KSR1: variants seen among roughly 807,000 people sequenced by gnomAD.
The protein encoded by KSR1 is kinase suppressor of ras 1, also known as kinase suppressor of ras.
KSR1 carries 35 observed loss-of-function variants against 92.9 expected under a neutral mutation model. The observed-to-expected ratio is 0.38, with a 90% confidence interval of 0.29 to 0.50. KSR1 has a LOEUF of 0.50. KSR1 is among the 20% of genes least tolerant of loss of function. The pLI is 0.94. For synonymous variants in KSR1, 467 were observed against 472.6 expected, an observed-to-expected ratio of 0.99 and a Z score of 0.15; for missense variants, 972 against 1,158.5, an observed-to-expected ratio of 0.84 and a Z score of 2.34.
At chr17:27,570,854 A>G (rs1050268128) in intron 2 of KSR1, among the ~76,000 whole-genome samples, 1 of 152,220 alleles carries the variant, frequency 6.6e-6, no homozygotes, top group Non-Finnish European at 1.5e-5. Context: ...CCGCACCTCC[A>G]GAAATTCTGA....
intron 1 of KSR1, among the ~76,000 whole-genome samples, chr17:27,507,297 G>T (rs1053164983): frequency 6.6e-6 from 1 of 152,036 alleles, no homozygotes; most frequent in Non-Finnish European, 1.5e-5. Flanking sequence ...GCCAGGCCTG[G>T]TGGCAGGGGC....
At position 27,524,572 on chromosome 17, in the gene KSR1, G is replaced by A. The variant is rs576064584; in HGVS notation, c.232-25996G>A. On this transcript the variant is annotated intron_variant, in intron 1 of 20. Coordinates refer to ENST00000644974, the MANE Select transcript of KSR1 (RefSeq NM_001394583.1). ...TAGGCAAATCCAGCAAGTACAGGCC[G>A]GTGGCCTCCAGTATCTCTGCAAAGG... is the stretch of plus-strand genomic sequence containing the variant. Among the ~76,000 whole-genome samples the A allele has an allele frequency of 1.7e-4, 26 of 152,316 alleles. No individual in the cohort carries two copies. The East Asian group carries it at 1.7e-3, about 10-fold the overall frequency.
chr17:27,456,995 C>T (rs2019204184), intron 1 of KSR1, 121 bp downstream of exon 1: 1 of 679,310 alleles, frequency 1.5e-6, no homozygotes, highest in Admixed American at 2.2e-5. Context: ...GAGGCTTCCC[C>T]TCCCTCCTGC....
chr17:27,552,493 A>G (rs2071429814), intron 2 of KSR1, among the ~76,000 whole-genome samples: 1 of 152,224 alleles, frequency 6.6e-6, no homozygotes, highest in African/African-American at 2.4e-5. Context: ...CTTTCAGTTA[A>G]GTCCTGCAAG....
At chr17:27,562,799 G>A (rs904707121) in intron 2 of KSR1, among the ~76,000 whole-genome samples, 5 of 152,226 alleles carry the variant, frequency 3.3e-5, no homozygotes, top group Admixed American at 6.5e-5. Flanking sequence ...ACCTTTGGGG[G>A]AGGCCACAGG....
rs115609802 is a variant in KSR1, at chr17:27,583,368, C to G, written c.980+263C>G. 7.2e-3 allele frequency among the ~76,000 whole-genome samples: 1,102 copies of G among 152,366 alleles called. 16 individuals carry two copies. The highest frequency in any genetic ancestry group is 0.026 in the African/African-American group (1,069 of 41,584). ...GGTAGGCCAGGTTACACAGAAATAA[C>G]AGATATGCCCAAATCACCAGGTCTT... On this transcript the variant is annotated intron_variant, in intron 4 of 20. Coordinates refer to ENST00000644974, the MANE Select transcript of KSR1 (RefSeq NM_001394583.1).
chr17:27,573,731 C>A (rs1273227557), intron 2 of KSR1, among the ~76,000 whole-genome samples: 1 of 152,208 alleles, frequency 6.6e-6, no homozygotes, highest in African/African-American at 2.4e-5. Context: ...GGTTTGGAAT[C>A]GTGCGCACGT....
chr17:27,466,330 A>T (rs1161561896), intron 1 of KSR1, among the ~76,000 whole-genome samples: 2 of 152,210 alleles, frequency 1.3e-5, no homozygotes, highest in Non-Finnish European at 2.9e-5. Context: ...CAGCCATGAG[A>T]AATTGCCTTT....
At position 27,511,281 on chromosome 17, in the gene KSR1, T is replaced by C. The variant is rs549315783; in HGVS notation, c.232-39287T>C. Among the ~76,000 whole-genome samples the C allele has an allele frequency of 3.3e-5, 5 of 152,292 alleles. No individual in the cohort carries two copies. In the East Asian group the frequency reaches 9.7e-4, roughly 29 times the overall value. On this transcript the variant is annotated intron_variant, in intron 1 of 20. Coordinates refer to ENST00000644974, the MANE Select transcript of KSR1 (RefSeq NM_001394583.1). Reference sequence around the variant, plus strand: ...CAGCTGACTGGACTGTCATGACATCTCAGAGCCAGAAGCCTCTTACCTTTC... The same window carrying C: ...CAGCTGACTGGACTGTCATGACATCCCAGAGCCAGAAGCCTCTTACCTTTC...
chr17:27,487,978 A>G (rs948588446), intron 1 of KSR1, among the ~76,000 whole-genome samples: 1 of 152,180 alleles, frequency 6.6e-6, no homozygotes, highest in Admixed American at 6.5e-5. Context: ...AACACCTCCA[A>G]CATCGGGGAC....
Position 27,601,871 on chromosome 17 carries a change from C to A in KSR1, c.1510+470C>A, listed in dbSNP as rs1167739620. 2.5e-6 allele frequency: 4 copies of A among 1,593,470 alleles called. No homozygotes were observed. In the African/African-American group the frequency reaches 5.4e-5, roughly 21 times the overall value. ...GCGGGCTTCTCTTAGTGGGCTTCACCCTTCTGTGCCTTACCACACAGTGCC... is the reference window on the plus strand; with the variant it reads ...GCGGGCTTCTCTTAGTGGGCTTCACACTTCTGTGCCTTACCACACAGTGCC... On this transcript the variant is annotated intron_variant, in intron 11 of 20. Transcript: ENST00000644974.
In KSR1 at chr17:27,517,650, C is replaced by T. The variant is rs553990538; in HGVS notation, c.232-32918C>T. Reference sequence around the variant, plus strand: ...ATAAACTATGAGTGTTATTGAGTACCGCTCCTGTGTAGCATTTCATCAAAT... The same window carrying T: ...ATAAACTATGAGTGTTATTGAGTACTGCTCCTGTGTAGCATTTCATCAAAT... On this transcript the variant is annotated intron_variant, in intron 1 of 20. Transcript: ENST00000644974. Among the ~76,000 whole-genome samples the T allele has an allele frequency of 8.5e-5, 13 of 152,262 alleles. No individual in the cohort carries two copies. In the East Asian group the frequency reaches 1.5e-3, roughly 18 times the overall value.
At position 27,623,902 on chromosome 17, in the gene KSR1, C is replaced by G. The variant is rs918211312; in HGVS notation, c.*510C>G. On this transcript the variant is annotated 3_prime_UTR_variant, in exon 21 of 21. Coordinates refer to ENST00000644974, the MANE Select transcript of KSR1 (RefSeq NM_001394583.1). ...AGGGAAATCTATCTAGGGCTCTCCC[C>G]TTGTCCTTTCAAAGGGATACTGCCC... The G allele has an allele frequency of 2.7e-6, 1 of 375,090 alleles. No homozygotes were observed. The highest frequency in any genetic ancestry group is 4.7e-6 in the Non-Finnish European group (1 of 213,384). 23.2% of individuals were successfully genotyped at this position (375,090 alleles called of 1,614,324 possible).
intron 20 of KSR1, chr17:27,622,569 G>C (rs2074255767): frequency 6.6e-6 from 1 of 152,634 alleles, no homozygotes; most frequent in Non-Finnish European, 1.5e-5. Context: ...GCTTGGAAGG[G>C]TTGTGTCTTC....
In KSR1 at chr17:27,577,386, C is replaced by G; in HGVS notation, c.373-106C>G. 1 of 686,090 alleles carries G rather than the reference C, an allele frequency of 1.5e-6. No individual in the cohort carries two copies. Among genetic ancestry groups the G allele is most frequent in the Non-Finnish European group, 2.4e-6 (1 of 408,784 alleles). 42.5% of individuals were successfully genotyped at this position (686,090 alleles called of 1,614,324 possible). ...TGGCTCTGGTCAGAGGCCGGCCCAG[C>G]CAGCAGCTGGCCCCTGCCACTCAGC... On this transcript the variant is annotated intron_variant, in intron 2 of 20. Coordinates refer to ENST00000644974, the MANE Select transcript of KSR1 (RefSeq NM_001394583.1). The surrounding 1 kb of genome is among the most constrained non-coding windows in gnomAD (Gnocchi z 4.5).
intron 12 of KSR1, 127 bp downstream of exon 12, chr17:27,604,015 C>T (rs2073661564): frequency 1.1e-6 from 1 of 925,876 alleles, no homozygotes; most frequent in Non-Finnish European, 1.7e-6. Flanking sequence ...TCCCTGGGCT[C>T]ATTCACCCTC....
intron 1 of KSR1, among the ~76,000 whole-genome samples, chr17:27,491,092 T>C (rs71372330): frequency 2.6e-5 from 4 of 152,174 alleles, no homozygotes; most frequent in African/African-American, 4.8e-5. Context: ...TACACACATA[T>C]ACACACAGAT....
At chr17:27,479,676 T>C (rs2068454895) in intron 1 of KSR1, among the ~76,000 whole-genome samples, 1 of 152,126 alleles carries the variant, frequency 6.6e-6, no homozygotes, top group Admixed American at 6.5e-5. Flanking sequence ...CAGACCTCTG[T>C]TGCGGCCTCC....
intron 1 of KSR1, among the ~76,000 whole-genome samples, chr17:27,485,719 C>T (rs907429570): frequency 2.6e-5 from 4 of 152,078 alleles, no homozygotes; most frequent in African/African-American, 9.7e-5. Context: ...ATCAATAGGG[C>T]TTGTGCACAG....
Sources: gnomAD v4.1 joint callset for allele counts (sites outside exome capture counted in the v4.1 genomes callset) on GRCh38, gnomAD v4.1.1 for gene constraint, Gnocchi (gnomAD v3.1) non-coding constraint, MANE v1.5 for transcripts, NCBI Gene and HGNC (gene_info 2026-07-23, HGNC 2026-07-21) for gene names.